GPC5: variants seen among roughly 807,000 people sequenced by gnomAD.
GPC5 encodes glypican-5.
A neutral mutation model predicts 53.9 loss-of-function variants in GPC5; 47 were observed. That is an observed-to-expected ratio of 0.87 (90% CI 0.69 to 1.11). The LOEUF (loss-of-function observed/expected upper bound fraction) is 1.11, where lower values mean the gene tolerates loss of function less well. Ranked by LOEUF, GPC5 falls within the 50% of genes most tolerant of loss-of-function variation. The probability of loss-of-function intolerance (pLI) is 0.00; values close to 1 mark genes in which losing one functional copy is unlikely to be tolerated. For synonymous variants in GPC5, 286 were observed against 263.3 expected (o/e 1.09, Z -0.84); for missense variants, 748 against 713.1 (o/e 1.05, Z -0.56).
intron 6 of GPC5, among the ~76,000 whole-genome samples, chr13:92,081,161 T>G (rs1413379926): frequency 6.6e-6 from 1 of 152,104 alleles, no homozygotes; most frequent in East Asian, 1.9e-4. Flanking sequence ...CAGGCTGGAG[T>G]GGAGTGGCAC....
At chr13:92,255,406 C>A (rs1385742404) in intron 7 of GPC5, among the ~76,000 whole-genome samples, 1 of 152,098 alleles carries the variant, frequency 6.6e-6, no homozygotes, top group East Asian at 1.9e-4. Context: ...CATGGAAGAA[C>A]ATCTAACCTA....
intron 7 of GPC5, among the ~76,000 whole-genome samples, chr13:92,413,720 C>A (rs1876151592): frequency 6.6e-6 from 1 of 152,098 alleles, no homozygotes; most frequent in African/African-American, 2.4e-5. Context: ...AAATAGAGAA[C>A]TCAGATAAAG....
At chr13:92,500,297 G>A (rs527865425) in intron 7 of GPC5, among the ~76,000 whole-genome samples, 31 of 152,250 alleles carry the variant, frequency 2.0e-4, no homozygotes, top group African/African-American at 5.8e-4. Flanking sequence ...ACAGACTCCC[G>A]GGAGAGTGCT....
chr13:92,763,616 C>T (rs1416166691), intron 7 of GPC5, among the ~76,000 whole-genome samples: 1 of 152,080 alleles, frequency 6.6e-6, no homozygotes, highest in Non-Finnish European at 1.5e-5. Flanking sequence ...GACTCAAGAC[C>T]CTGGGGTCAG....
chr13:92,477,050 A>AAAAT lies in GPC5; in HGVS notation c.1561+332089_1561+332092dup, dbSNP rs139711160. On this transcript the variant is annotated intron_variant, in intron 7 of 7. Transcript: ENST00000377067. ...CCTAAAACTTAAAGTATAATAATAA[A>AAAAT]AAATAAATAAATAAATAAATAAATA... Among the ~76,000 whole-genome samples, 954 of 149,572 alleles carry AAAAT rather than the reference A, an allele frequency of 6.4e-3. 6 individuals are homozygous for AAAAT. Among genetic ancestry groups the AAAAT allele is most frequent in the Non-Finnish European group, 8.9e-3 (601 of 67,430 alleles).
chr13:92,710,896 T>G (rs977169161), intron 7 of GPC5, among the ~76,000 whole-genome samples: 3 of 152,212 alleles, frequency 2.0e-5, no homozygotes, highest in Non-Finnish European at 4.4e-5. Context: ...GTTGAAAATA[T>G]AAGACTGAAT....
At chr13:91,946,647 G>A (rs1347930101) in intron 6 of GPC5, among the ~76,000 whole-genome samples, 1 of 152,114 alleles carries the variant, frequency 6.6e-6, no homozygotes, top group African/African-American at 2.4e-5. Flanking sequence ...GACAGCCCCG[G>A]TAAGTCTAGT....
At chr13:91,871,187 T>G (rs2039140175) in intron 5 of GPC5, among the ~76,000 whole-genome samples, 1 of 152,204 alleles carries the variant, frequency 6.6e-6, no homozygotes, top group Non-Finnish European at 1.5e-5. Context: ...CATTTTCAAT[T>G]TTAGATATTC....
intron 1 of GPC5, among the ~76,000 whole-genome samples, chr13:91,401,904 A>G (rs1876982974): frequency 6.6e-6 from 1 of 152,198 alleles, no homozygotes; most frequent in South Asian, 2.1e-4. Flanking sequence ...AAATGTGATT[A>G]GAATTAGAGA....
chr13:92,755,981 G>A (rs1365522315), intron 7 of GPC5, among the ~76,000 whole-genome samples: 1 of 151,768 alleles, frequency 6.6e-6, no homozygotes, highest in Non-Finnish European at 1.5e-5. Flanking sequence ...CTCATTTTAT[G>A]AGGCCAGCAT....
chr13:91,860,102 A>G (rs572470272), intron 5 of GPC5, among the ~76,000 whole-genome samples: 18 of 152,226 alleles, frequency 1.2e-4, no homozygotes, highest in African/African-American at 3.9e-4. Flanking sequence ...ACTATTTGAA[A>G]CTATATAATA....
intron 7 of GPC5, among the ~76,000 whole-genome samples, chr13:92,161,028 C>T (rs1335493375): frequency 1.8e-5 from 2 of 112,116 alleles, no homozygotes; most frequent in African/African-American, 3.4e-5. Flanking sequence ...TTCTGTGGCT[C>T]GCTCAAAAGT....
intron 6 of GPC5, among the ~76,000 whole-genome samples, chr13:91,922,325 G>A (rs541883724): frequency 1.3e-5 from 2 of 151,944 alleles, no homozygotes; most frequent in East Asian, 1.9e-4. Context: ...AACTAAAGGC[G>A]AACTTTGCAT....
rs1350718836 is a variant in GPC5 at position 92,690,329 on chromosome 13, G to T, written c.1562-175953G>T. Among the ~76,000 whole-genome samples, 157 of 91,774 alleles carry T rather than the reference G, an allele frequency of 1.7e-3. 42 individuals are homozygous for T. The highest frequency in any genetic ancestry group is 7.3e-3 in the African/African-American group (153 of 20,996). The allele number at this position is 91,774 out of a possible 152,430, so 60.2% of individuals were successfully genotyped here. A position where few individuals can be genotyped will look rare whatever the true frequency, so the allele number is the denominator to read the frequency against. On this transcript the variant is annotated intron_variant, in intron 7 of 7. Transcript: ENST00000377067. ...CATTTCATTCATTTCATCTTCCATT[G>T]TTGATACCCTTTCCTCCAGTTGATC...
chr13:92,426,906 A>G (rs1241944035), intron 7 of GPC5, among the ~76,000 whole-genome samples: 1 of 152,018 alleles, frequency 6.6e-6, no homozygotes, highest in Non-Finnish European at 1.5e-5. Context: ...AAACAAGAAG[A>G]AAAAGAGAGA....
intron 7 of GPC5, among the ~76,000 whole-genome samples, chr13:92,483,551 G>A (rs971939295): frequency 6.6e-6 from 1 of 152,136 alleles, no homozygotes; most frequent in African/African-American, 2.4e-5. Flanking sequence ...TGTGAAGGCC[G>A]AGAAAATTAC....
At chr13:92,409,415 A>T (rs184065484) in intron 7 of GPC5, among the ~76,000 whole-genome samples, 149 of 152,218 alleles carry the variant, frequency 9.8e-4, no homozygotes, top group Non-Finnish European at 1.7e-3. Context: ...TTGGTAGTTC[A>T]GTGAGCAAGA....
intron 6 of GPC5, among the ~76,000 whole-genome samples, chr13:91,974,179 A>G (rs2040273632): frequency 6.6e-6 from 1 of 152,178 alleles, no homozygotes; most frequent in Admixed American, 6.5e-5. Flanking sequence ...ATGGGCAAAA[A>G]CTGGAAGCAT....
rs184237182 is a variant in GPC5 at position 92,178,832 on chromosome 13, C to T, written c.1561+33843C>T. Among the ~76,000 whole-genome samples, 414 of 152,000 alleles carry T rather than the reference C, an allele frequency of 2.7e-3. 4 individuals carry two copies. Among genetic ancestry groups the T allele is most frequent in the Non-Finnish European group, 4.5e-3 (308 of 67,960 alleles). The stretch of plus-strand genomic sequence containing the variant: ...TCTACTAAAAATACAAAAAATTAGC[C>T]AGGTGTGGTGGCCCTGTAGTCCCAG... On this transcript the variant is annotated intron_variant, in intron 7 of 7. Coordinates refer to ENST00000377067, the MANE Select transcript of GPC5 (RefSeq NM_004466.6).
Sources: gnomAD v4.1 joint callset for allele counts (sites outside exome capture counted in the v4.1 genomes callset) on GRCh38, gnomAD v4.1.1 for gene constraint, MANE v1.5 for transcripts, NCBI Gene and HGNC (gene_info 2026-07-23, HGNC 2026-07-21) for gene names.